The following BPIFB6 variants were observed in gnomAD, a reference collection of about 807,000 sequenced individuals.
BPIFB6 encodes BPI fold containing family B member 6.
A neutral mutation model predicts 54.7 loss-of-function variants in BPIFB6; 47 were observed. The observed-to-expected ratio is 0.86, with a 90% CI of 0.68 to 1.10. The LOEUF (loss-of-function observed/expected upper bound fraction) is 1.10. BPIFB6 is among the 50% of genes least tolerant of loss of function. BPIFB6 has a pLI of 0.00. For synonymous variants in BPIFB6, 255 were observed against 225.9 expected, an observed-to-expected ratio of 1.13 and a Z score of -1.16; for missense variants, 603 against 564.1, an observed-to-expected ratio of 1.07 and a Z score of -0.70.
Position 33,034,810 on chromosome 20 carries a change from C to T in BPIFB6, c.350C>T (p.Ala117Val), listed in dbSNP as rs746373829. The T allele has an allele frequency of 6.2e-7, 1 of 1,613,872 alleles. No individual in the cohort carries two copies. Among genetic ancestry groups the T allele is most frequent in the South Asian group, 1.1e-5 (1 of 91,068 alleles). ...MEIIVALNIT[A>V]TNRLLRDEET... Reference sequence around the variant, plus strand: ...ATCATCGTGGCCCTGAACATCACAGCCACCAACCGGCTTCTGCGGGATGAG... The same window carrying T: ...ATCATCGTGGCCCTGAACATCACAGTCACCAACCGGCTTCTGCGGGATGAG... The change falls in exon 4 of 15, where the codon GCC becomes GTC. Residue 117 changes from alanine to valine, a missense_variant. Coordinates refer to ENST00000349552, the MANE Select transcript of BPIFB6 (RefSeq NM_174897.2).
At chr20:33,032,785 C>T (rs959951190) in intron 1 of BPIFB6, among the ~76,000 whole-genome samples, 199 bp from the exon 2 acceptor site, 1 of 152,222 alleles carries the variant, frequency 6.6e-6, no homozygotes, top group Non-Finnish European at 1.5e-5. Flanking sequence ...CCTACCTAAA[C>T]CCTCGTGCGG....
intron 13 of BPIFB6, 68 bp from the exon 14 acceptor site, chr20:33,043,223 C>A: frequency 1.4e-6 from 2 of 1,383,546 alleles, no homozygotes; most frequent in Non-Finnish European, 2.1e-6. Context: ...CTATCCCTAC[C>A]CCAGGCTGCC....
rs749261135 is a variant in BPIFB6, at chr20:33,035,141, G to T, written c.513G>T (p.Gly171=). The change falls in exon 5 of 15, where the codon GGG becomes GGT. Residue 171 remains glycine (G), a synonymous_variant. Coordinates refer to ENST00000349552, the MANE Select transcript of BPIFB6 (RefSeq NM_174897.2). ...GCACCCTGCACAAAGTCCTCCCTGG[G>T]CTGGTGAGTGACCCAGAGAAAGCCT... ...LDSTLHKVLP[G]LMCPAIDAVL... is the part of the protein sequence containing the mutation. 29 of 1,613,594 alleles carry T rather than the reference G, an allele frequency of 1.8e-5. No homozygotes were observed. Among genetic ancestry groups the T allele is most frequent in the Non-Finnish European group, 2.3e-5 (27 of 1,180,010 alleles).
Position 33,034,897 on chromosome 20 carries a change from C to T in BPIFB6, c.437C>T (p.Thr146Ile), listed in dbSNP as rs755337745. ...GCEVILVNVK[T>I]NLPSNMLPKM... ...GAGGTCATCCTGGTCAATGTGAAGA[C>T]TAACCTGCCTAGCAAGTGAGGGGCT... Residue 146 changes from threonine to isoleucine, a missense_variant, in exon 4 of 15, where the codon ACT becomes ATT. Physicochemically the swap from Thr to Ile is moderately conservative, Grantham distance 89. Transcript: ENST00000349552. 1 of 1,609,812 alleles carries T rather than the reference C, an allele frequency of 6.2e-7. No individual in the cohort carries two copies. The highest frequency in any genetic ancestry group is 1.3e-5 in the African/African-American group (1 of 74,836).
chr20:33,039,667 C>G, intron 10 of BPIFB6, 147 bp downstream of exon 10: 1 of 931,752 alleles, frequency 1.1e-6, no homozygotes, highest in Non-Finnish European at 1.5e-6. Context: ...TGCCACTGAA[C>G]CTTTGAATGG....
chr20:33,036,464 G>A lies in BPIFB6; in HGVS notation c.597G>A (p.Gln199=). Residue 199 remains glutamine (Q), a synonymous_variant, in exon 7 of 15, where the codon CAG becomes CAA. Transcript: ENST00000349552. Reference sequence around the variant, plus strand: ...ACACAGACCCCATGCCTGTGGGCCAGATGGGCACCGTCAAATATGTTCTGA... The same window carrying A: ...ACACAGACCCCATGCCTGTGGGCCAAATGGGCACCGTCAAATATGTTCTGA... The part of the protein sequence containing the change: ...TNLSDPMPVG[Q]MGTVKYVLMS... 6.2e-7 allele frequency: 1 copy of A among 1,613,874 alleles called. No individual in the cohort carries two copies.
chr20:33,043,872 C>A, intron 14 of BPIFB6, 143 bp from the exon 15 acceptor site: 2 of 1,035,056 alleles, frequency 1.9e-6, no homozygotes, highest in Non-Finnish European at 3.0e-6. Context: ...GTGACCTCTC[C>A]AGGGTCACAA....
chr20:33,033,892 T>G (rs114241539), intron 2 of BPIFB6, among the ~76,000 whole-genome samples: 1 of 152,206 alleles, frequency 6.6e-6, no homozygotes, highest in South Asian at 2.1e-4. Flanking sequence ...AAGCCTCCCA[T>G]TTTGTTGATG....
At position 33,037,608 on chromosome 20, in the gene BPIFB6, C is replaced by T. The variant is rs1979397866; in HGVS notation, c.716C>T (p.Ala239Val). Residue 239 changes from alanine to valine, a missense_variant, in exon 8 of 15, where the codon GCC becomes GTC. Ala to Val is a moderately conservative substitution (Grantham distance 64). Transcript: ENST00000349552. ...GGCAAAACCATCAAGCTTGCTGATGCCGGGGAGGCCCTCACGTTCCCTGAG... is the reference window on the plus strand; with the variant it reads ...GGCAAAACCATCAAGCTTGCTGATGTCGGGGAGGCCCTCACGTTCCCTGAG... The part of the protein sequence containing the change: ...QKGKTIKLAD[A>V]GEALTFPEGY... 6.2e-7 allele frequency: 1 copy of T among 1,613,770 alleles called. No homozygotes were observed. Among genetic ancestry groups the T allele is most frequent in the South Asian group, 1.1e-5 (1 of 91,064 alleles).
In BPIFB6 at chr20:33,038,909, A is replaced by G; in HGVS notation, c.847A>G (p.Ile283Val). The G allele has an allele frequency of 1.2e-6, 2 of 1,614,058 alleles. No homozygotes were observed. The highest frequency in any genetic ancestry group is 1.7e-6 in the Non-Finnish European group (2 of 1,179,982). The change falls in exon 9 of 15, where the codon ATT (isoleucine) becomes GTT (valine). Residue 283 changes from isoleucine (I) to valine (V), a missense_variant and splice_region_variant. Physicochemically the swap from Ile to Val is conservative, Grantham distance 29 (BLOSUM62 3). Transcript: ENST00000349552. Reference protein sequence around the residue: ...SFHVNIQDTMIGELPPQTTKT... With the variant: ...SFHVNIQDTMVGELPPQTTKT... ...CCTAACCTTGACTTTTATTCTGTAG[A>G]TTGGTGAGCTGCCCCCACAAACCAC...
At chr20:33,032,908 A>G in intron 1 of BPIFB6, 76 bp from the exon 2 acceptor site, 1 of 1,172,638 alleles carries the variant, frequency 8.5e-7, no homozygotes, top group Non-Finnish European at 1.3e-6. Context: ...GGTGGGGCAC[A>G]GTGACGGTGA....
chr20:33,042,109 G>A (rs1979616469), intron 12 of BPIFB6, 94 bp downstream of exon 12: 3 of 1,306,746 alleles, frequency 2.3e-6, no homozygotes, highest in Middle Eastern at 1.8e-4. Context: ...TGAAATGGAG[G>A]CAGATGAACA....
At position 33,037,614 on chromosome 20, in the gene BPIFB6, A is replaced by G. The variant is rs749463109; in HGVS notation, c.722A>G (p.Glu241Gly). Residue 241 changes from glutamate (E) to glycine (G), a missense_variant, in exon 8 of 15, where the codon GAG becomes GGG. Transcript: ENST00000349552. ...GKTIKLADAGEALTFPEGYAK... is the reference protein window; with the variant it reads ...GKTIKLADAGGALTFPEGYAK... ...ACCATCAAGCTTGCTGATGCCGGGG[A>G]GGCCCTCACGTTCCCTGAGGGTTAT... The G allele has an allele frequency of 6.2e-7, 1 of 1,613,896 alleles. No homozygotes were observed. Among genetic ancestry groups the G allele is most frequent in the Admixed American group, 1.7e-5 (1 of 60,002 alleles).
In BPIFB6 at chr20:33,035,123, G is replaced by C. The variant is rs781280049; in HGVS notation, c.495G>C (p.Leu165=). 6.2e-7 allele frequency: 1 copy of C among 1,613,798 alleles called. No individual in the cohort carries two copies. Among genetic ancestry groups the C allele is most frequent in the Non-Finnish European group, 8.5e-7 (1 of 1,180,008 alleles). Residue 165 remains leucine, a synonymous_variant, in exon 5 of 15, where the codon CTG becomes CTC. Coordinates refer to ENST00000349552, the MANE Select transcript of BPIFB6 (RefSeq NM_174897.2). The stretch of plus-strand genomic sequence containing the variant: ...TCAACAAGTTCCTGGACAGCACCCT[G>C]CACAAAGTCCTCCCTGGGCTGGTGA... The part of the protein sequence containing the change: ...KMVNKFLDST[L]HKVLPGLMCP...
chr20:33,033,423 G>A, intron 2 of BPIFB6: 1 of 463,096 alleles, frequency 2.2e-6, no homozygotes, highest in Non-Finnish European at 4.3e-6. Flanking sequence ...GGTAGAGCTG[G>A]AAAGGCATCA....
In BPIFB6 at chr20:33,034,944, G is replaced by A. The variant is rs201947407; in HGVS notation, c.452+32G>A. On this transcript the variant is annotated intron_variant, in intron 4 of 14. Coordinates refer to ENST00000349552, the MANE Select transcript of BPIFB6 (RefSeq NM_174897.2). ...GGCTCTGTGGCTGGGGAGGAAGGCCGGTCCATATTGCTATACCCCCCAGCA... is the reference window on the plus strand; with the variant it reads ...GGCTCTGTGGCTGGGGAGGAAGGCCAGTCCATATTGCTATACCCCCCAGCA... The A allele has an allele frequency of 1.9e-4, 309 of 1,604,718 alleles. 1 individual carries two copies. In the Middle Eastern group the frequency reaches 3.8e-3, roughly 20 times the overall value.
At chr20:33,036,669 A>G in intron 7 of BPIFB6, 133 bp downstream of exon 7, 1 of 830,308 alleles carries the variant, frequency 1.2e-6, no homozygotes, top group South Asian at 1.4e-5. Context: ...GTGGAGGCCA[A>G]TGCCATGTGG....
In BPIFB6 at chr20:33,032,973, C is replaced by T. The variant is rs776215931; in HGVS notation, c.98-11C>T. 7 of 1,608,836 alleles carry T rather than the reference C, an allele frequency of 4.4e-6. 1 individual carries two copies. The South Asian group carries it at 7.7e-5, about 18-fold the overall frequency. ...AGGGAAAATCTCTCCAACTAAGTGT[C>T]TCCACTCCAGAGGTCCAGAGCGCCA... On this transcript the variant is annotated splice_polypyrimidine_tract_variant and intron_variant, in intron 1 of 14. Transcript: ENST00000349552.
chr20:33,040,934 A>G (rs1370435822), intron 11 of BPIFB6, among the ~76,000 whole-genome samples: 1 of 151,938 alleles, frequency 6.6e-6, no homozygotes, highest in Non-Finnish European at 1.5e-5. Context: ...AACTGGCTTA[A>G]GCCCCAAAGG....
Sources: gnomAD v4.1 joint callset for allele counts (sites outside exome capture counted in the v4.1 genomes callset) on GRCh38, gnomAD v4.1.1 for gene constraint, MANE v1.5 for transcripts, NCBI Gene and HGNC (gene_info 2026-07-23, HGNC 2026-07-21) for gene names.